SLC39A10: variants seen among roughly 807,000 people sequenced by gnomAD.
The protein encoded by SLC39A10 is zinc transporter ZIP10.
A neutral mutation model predicts 65.1 loss-of-function variants in SLC39A10; 13 were observed. The ratio of observed to expected loss-of-function variants is 0.20; its 90% CI spans 0.13 to 0.32. The LOEUF is 0.32. Ranked by LOEUF, SLC39A10 falls within the 10% of genes least tolerant of loss-of-function variation. The pLI, the probability that SLC39A10 is intolerant of heterozygous loss-of-function variation, is 1.00. For synonymous variants in SLC39A10, 321 were observed against 342.2 expected (o/e 0.94, Z 0.68); for missense variants, 831 against 1,018.4 (o/e 0.82, Z 2.50).
At chr2:195,660,872 G>T (rs570567216) in intron 1 of SLC39A10, among the ~76,000 whole-genome samples, 1 of 152,120 alleles carries the variant, frequency 6.6e-6, no homozygotes, top group South Asian at 2.1e-4. Context: ...ACTTTGTATT[G>T]CTTTGACTGT....
chr2:195,636,522 C>T (rs531374253), intron 2 of SLC39A10, among the ~76,000 whole-genome samples: 5 of 151,766 alleles, frequency 3.3e-5, no homozygotes, highest in Admixed American at 6.6e-5. Context: ...GAGGCTGAGG[C>T]GGGTGGATCA....
At chr2:195,734,793 C>A in intron 9 of SLC39A10, 90 bp from the exon 10 acceptor site, 1 of 1,238,328 alleles carries the variant, frequency 8.1e-7, no homozygotes, top group South Asian at 1.5e-5. Context: ...ACACTTCAGT[C>A]ACTAATTTTC....
intron 3 of SLC39A10, among the ~76,000 whole-genome samples, chr2:195,700,501 C>G (rs1691135723): frequency 6.6e-6 from 1 of 152,142 alleles, no homozygotes; most frequent in Non-Finnish European, 1.5e-5. Context: ...AAATTCTGCT[C>G]CTTTACAACT....
chr2:195,712,348 G>C (rs1275968726), intron 5 of SLC39A10, among the ~76,000 whole-genome samples: 15 of 152,248 alleles, frequency 9.9e-5, no homozygotes, highest in Admixed American at 7.2e-4. Context: ...CAGGGCAGGG[G>C]GGTAGATTCC....
intron 2 of SLC39A10, among the ~76,000 whole-genome samples, chr2:195,633,292 C>G (rs533742330): frequency 1.3e-5 from 2 of 152,364 alleles, no homozygotes; most frequent in East Asian, 3.9e-4. Flanking sequence ...CTCAACCCCT[C>G]GTGGGAGGGA....
chr2:195,622,934 T>G (rs1419482693), intron 2 of SLC39A10, among the ~76,000 whole-genome samples: 1 of 137,404 alleles, frequency 7.3e-6, no homozygotes, highest in African/African-American at 2.8e-5. Flanking sequence ...ATGGCGCCCC[T>G]GCACTCCAGC....
At chr2:195,727,765 T>C (rs1376693081) in intron 8 of SLC39A10, among the ~76,000 whole-genome samples, 1 of 152,102 alleles carries the variant, frequency 6.6e-6, no homozygotes, top group Non-Finnish European at 1.5e-5. Flanking sequence ...AATTTTAACA[T>C]ATATATAGAT....
chr2:195,626,738 A>T (rs1688482235), intron 2 of SLC39A10, among the ~76,000 whole-genome samples: 3 of 152,204 alleles, frequency 2.0e-5, no homozygotes, highest in African/African-American at 7.2e-5. Context: ...AGTCAGCTGG[A>T]AAGTATTTGT....
chr2:195,690,293 G>A (rs562304299), intron 3 of SLC39A10, among the ~76,000 whole-genome samples: 2 of 151,762 alleles, frequency 1.3e-5, no homozygotes, highest in African/African-American at 2.4e-5. Flanking sequence ...TAGACAGTTG[G>A]GTTGCTTCCA....
chr2:195,670,121 T>C (rs1689798909), intron 1 of SLC39A10, among the ~76,000 whole-genome samples: 1 of 152,136 alleles, frequency 6.6e-6, no homozygotes, highest in Admixed American at 6.5e-5. Flanking sequence ...ATCATGCCAC[T>C]GCACTCCAGC....
At chr2:195,713,265 T>C (rs1031728984) in intron 5 of SLC39A10, among the ~76,000 whole-genome samples, 168 bp from the exon 6 acceptor site, 3 of 152,212 alleles carry the variant, frequency 2.0e-5, no homozygotes, top group African/African-American at 4.8e-5. Context: ...GGATTTTTCA[T>C]CTCTGGATTG....
intron 2 of SLC39A10, among the ~76,000 whole-genome samples, chr2:195,682,461 AATTT>A (rs1690362284): frequency 6.6e-6 from 1 of 152,094 alleles, no homozygotes; most frequent in Admixed American, 6.5e-5. Context: ...TATTTTCAAA[AATTT>A]ATTTTTTGTA....
chr2:195,693,530 C>T (rs995076194), intron 3 of SLC39A10, among the ~76,000 whole-genome samples: 3 of 151,868 alleles, frequency 2.0e-5, no homozygotes, highest in Admixed American at 1.3e-4. Flanking sequence ...TGATCTAGGA[C>T]GGTTGTATAT....
chr2:195,636,965 C>T (rs935611576), intron 2 of SLC39A10, among the ~76,000 whole-genome samples: 1 of 151,906 alleles, frequency 6.6e-6, no homozygotes, highest in Non-Finnish European at 1.5e-5. Flanking sequence ...AAATATTTAC[C>T]ATTTGGGGCT....
chr2:195,633,280 C>T (rs1038430456), intron 2 of SLC39A10, among the ~76,000 whole-genome samples: 3 of 152,244 alleles, frequency 2.0e-5, no homozygotes, highest in Non-Finnish European at 4.4e-5. Flanking sequence ...TGTTGCATTG[C>T]GCTCAACCCC....
In SLC39A10 at chr2:195,718,304, C is replaced by G. The variant is rs772099974; in HGVS notation, c.2118C>G (p.Val706=). The change falls in exon 8 of 10, where the codon GTC becomes GTG. Residue 706 remains valine (V), a synonymous_variant. Coordinates refer to ENST00000359634, the MANE Select transcript of SLC39A10 (RefSeq NM_020342.3). ...LTGGISTSIA[V]FCHELPHELG... ...GAGGAATCAGTACTTCTATAGCCGT[C>G]TTCTGTCATGAACTGCCACATGAAT... 21 of 1,608,084 alleles carry G rather than the reference C, an allele frequency of 1.3e-5. No individual in the cohort carries two copies. The highest frequency in any genetic ancestry group is 1.8e-5 in the Non-Finnish European group (21 of 1,175,802).
intron 2 of SLC39A10, among the ~76,000 whole-genome samples, chr2:195,627,738 A>T (rs1016435339): frequency 6.6e-6 from 1 of 152,210 alleles, no homozygotes; most frequent in Non-Finnish European, 1.5e-5. Context: ...GGGAAGGAAG[A>T]TGTGCATTGT....
At chr2:195,676,482 G>T (rs1040350555) in intron 1 of SLC39A10, among the ~76,000 whole-genome samples, 5 of 151,780 alleles carry the variant, frequency 3.3e-5, no homozygotes, top group African/African-American at 1.2e-4. Flanking sequence ...CTATCCCAAA[G>T]ACATAAAGAC....
Position 195,680,863 on chromosome 2 carries a change from A to G in SLC39A10, c.821A>G (p.Asn274Ser), listed in dbSNP as rs1304085649. 14 of 1,614,002 alleles carry G rather than the reference A, an allele frequency of 8.7e-6. No individual in the cohort carries two copies. In the East Asian group the frequency reaches 2.2e-4, roughly 26 times the overall value. ...GTCCACAAACCTGATCGTGTACATAACCCAGGTCATTCTCATGTACATCTT... is the reference window on the plus strand; with the variant it reads ...GTCCACAAACCTGATCGTGTACATAGCCCAGGTCATTCTCATGTACATCTT... Reference protein sequence around the residue: ...NRVHKPDRVHNPGHSHVHLPE... With the variant: ...NRVHKPDRVHSPGHSHVHLPE... The change falls in exon 2 of 10, where the codon AAC becomes AGC. Residue 274 changes from asparagine (N) to serine (S), a missense_variant. Around this residue, in one of 4 missense-constraint regions of SLC39A10, gnomAD observed 446 missense variants for 499.2 expected, o/e 0.89. Coordinates refer to ENST00000359634, the MANE Select transcript of SLC39A10 (RefSeq NM_020342.3).
Sources: allele counts gnomAD v4.1 joint callset (sites outside exome capture counted in the v4.1 genomes callset), GRCh38; gene constraint gnomAD v4.1.1; regional missense constraint gnomAD v4.1.1; transcripts MANE v1.5; gene names NCBI Gene and HGNC (gene_info 2026-07-23, HGNC 2026-07-21).